ANK3: variants seen among roughly 807,000 people sequenced by gnomAD.
The protein encoded by ANK3 is ankyrin 3.
ANK3 carries 57 observed loss-of-function variants against 370.9 expected under a neutral mutation model. That is an observed-to-expected ratio of 0.15 (90% CI 0.12 to 0.19). ANK3 has a LOEUF of 0.19. ANK3 is among the 10% of genes least tolerant of loss of function. The pLI, the probability that ANK3 is intolerant of heterozygous loss-of-function variation, is 1.00. For missense variants in ANK3, 4,439 were observed against 5,302.1 expected, an observed-to-expected ratio of 0.84 and a Z score of 5.06; for synonymous variants, 1,929 against 1,946.3, an observed-to-expected ratio of 0.99 and a Z score of 0.23.
intron 2 of ANK3, among the ~76,000 whole-genome samples, chr10:60,443,169 T>C (rs1304870434): frequency 6.6e-6 from 1 of 152,182 alleles, no homozygotes; most frequent in African/African-American, 2.4e-5. Context: ...GTATATCTGC[T>C]TTGAAATAGG....
chr10:60,083,344 T>G, intron 33 of ANK3, 148 bp downstream of exon 33: 1 of 773,566 alleles, frequency 1.3e-6, no homozygotes, highest in South Asian at 1.9e-5. Context: ...GAAAGTATAC[T>G]CTGGTAGAAC....
At chr10:60,269,605 T>A (rs1235849418) in intron 5 of ANK3, among the ~76,000 whole-genome samples, 1 of 151,648 alleles carries the variant, frequency 6.6e-6, no homozygotes, top group East Asian at 1.9e-4. Context: ...AGATTACGCC[T>A]TTGCACTCCA....
At chr10:60,240,275 C>T (rs1399902838) in intron 7 of ANK3, among the ~76,000 whole-genome samples, 2 of 100,692 alleles carry the variant, frequency 2.0e-5, no homozygotes, top group African/African-American at 7.8e-5. Flanking sequence ...TATATATACA[C>T]ACACACATAT....
At chr10:60,673,698 A>C (rs1407885155) in intron 1 of ANK3, among the ~76,000 whole-genome samples, 1 of 152,188 alleles carries the variant, frequency 6.6e-6, no homozygotes, top group Non-Finnish European at 1.5e-5. Flanking sequence ...CACGGTAAAA[A>C]TAAAGATTTT....
chr10:60,202,629 G>A (rs930898704), intron 12 of ANK3, among the ~76,000 whole-genome samples: 2 of 152,128 alleles, frequency 1.3e-5, no homozygotes, highest in East Asian at 3.9e-4. Context: ...CAATAAGGCC[G>A]GGCATGGTGG....
chr10:60,129,426 G>T (rs1410010553), intron 25 of ANK3, among the ~76,000 whole-genome samples: 3 of 152,088 alleles, frequency 2.0e-5, no homozygotes, highest in African/African-American at 7.2e-5. Context: ...ACAGGCCAAA[G>T]AAATCAGGAA....
Position 60,270,164 on chromosome 10 carries a change from A to C in ANK3, c.480T>G (p.Leu160=). ...ENHLEVVKFL[L]DNGASQSLAT... is the part of the protein sequence containing the mutation. ...CTAGGCTCTGGCTTGCACCATTGTC[A>C]AGAAGAAACTTGACAACTTCCAGGT... Residue 160 remains leucine (L), a synonymous_variant, in exon 5 of 44, where the codon CTT becomes CTG. Transcript: ENST00000280772. 1.9e-6 allele frequency: 3 copies of C among 1,599,388 alleles called. No homozygotes were observed. Among genetic ancestry groups the C allele is most frequent in the Non-Finnish European group, 2.6e-6 (3 of 1,171,468 alleles).
chr10:60,328,534 T>C (rs1218219762), intron 1 of ANK3, among the ~76,000 whole-genome samples: 1 of 151,986 alleles, frequency 6.6e-6, no homozygotes, highest in African/African-American at 2.4e-5. Context: ...AACTAGAAAA[T>C]CTAGAAGAAA....
intron 1 of ANK3, among the ~76,000 whole-genome samples, chr10:60,691,850 T>C (rs142559205): frequency 6.6e-6 from 1 of 152,356 alleles, no homozygotes; most frequent in African/African-American, 2.4e-5. Context: ...AAGGCTGTGG[T>C]TCTGAAATGT....
intron 2 of ANK3, among the ~76,000 whole-genome samples, chr10:60,533,596 C>T (rs1302125557): frequency 6.6e-6 from 1 of 152,100 alleles, no homozygotes; most frequent in East Asian, 1.9e-4. Flanking sequence ...GAAGAGGGAA[C>T]AAAGTGCACA....
chr10:60,413,568 G>A (rs377207179), intron 2 of ANK3, among the ~76,000 whole-genome samples: 121 of 152,116 alleles, frequency 8.0e-4, no homozygotes, highest in African/African-American at 2.8e-3. Flanking sequence ...TAACCTTTGG[G>A]AAATCTGGGA....
At chr10:60,315,431 A>T (rs2047202973) in intron 1 of ANK3, among the ~76,000 whole-genome samples, 1 of 152,154 alleles carries the variant, frequency 6.6e-6, no homozygotes, top group Non-Finnish European at 1.5e-5. Flanking sequence ...CCAAGAACCC[A>T]AGAAGAAGTT....
chr10:60,698,916 A>ATAATAG (rs2079507764), intron 1 of ANK3, among the ~76,000 whole-genome samples: 1 of 150,004 alleles, frequency 6.7e-6, no homozygotes, highest in Non-Finnish European at 1.5e-5. Flanking sequence ...AATAATAATA[A>ATAATAG]TAATAAAGAA....
chr10:60,067,901 C>T, intron 38 of ANK3, 34 bp downstream of exon 38: 1 of 1,519,048 alleles, frequency 6.6e-7, no homozygotes, highest in Non-Finnish European at 9.0e-7. Flanking sequence ...AATGAAGAAA[C>T]TAATTTGTTC....
At chr10:60,673,511 T>C (rs1182897195) in intron 1 of ANK3, among the ~76,000 whole-genome samples, 2 of 151,870 alleles carry the variant, frequency 1.3e-5, no homozygotes, top group African/African-American at 2.4e-5. Flanking sequence ...CCACCACACC[T>C]AGCTAATTTT....
At chr10:60,673,045 T>TA (rs11329845) in intron 1 of ANK3, among the ~76,000 whole-genome samples, 2,411 of 147,068 alleles carry the variant, frequency 0.016, 65 homozygotes, top group African/African-American at 0.055. Flanking sequence ...TAAAATTTGG[T>TA]AAAAAAAAAA....
intron 1 of ANK3, among the ~76,000 whole-genome samples, chr10:60,349,729 G>A (rs942960790): frequency 1.3e-5 from 2 of 152,192 alleles, no homozygotes; most frequent in Non-Finnish European, 2.9e-5. Flanking sequence ...TGGAACAAAA[G>A]TTGAAATGAG....
chr10:60,643,811 G>T (rs7902632), intron 1 of ANK3, among the ~76,000 whole-genome samples: 103,886 of 152,054 alleles, frequency 0.68, 35,591 homozygotes, highest in South Asian at 0.83. Context: ...TGGAAGACAT[G>T]TTTATCTGAG....
intron 1 of ANK3, among the ~76,000 whole-genome samples, chr10:60,701,188 C>A (rs1017167840): frequency 1.3e-5 from 2 of 151,212 alleles, no homozygotes; most frequent in Non-Finnish European, 2.9e-5. Context: ...GGAAAACTGC[C>A]AATATATGAT....
Sources: gnomAD v4.1 joint callset for allele counts (sites outside exome capture counted in the v4.1 genomes callset) on GRCh38, gnomAD v4.1.1 for gene constraint, MANE v1.5 for transcripts, NCBI Gene and HGNC (gene_info 2026-07-23, HGNC 2026-07-21) for gene names.